The following RAB38 variants were observed in gnomAD, a reference collection of about 807,000 sequenced individuals.
RAB38 encodes the protein ras-related protein Rab-38.
Under a neutral mutation model 18.4 loss-of-function variants are expected in RAB38, and 15 were observed. The observed-to-expected ratio is 0.82, with a 90% confidence interval of 0.55 to 1.26. The LOEUF (loss-of-function observed/expected upper bound fraction) is 1.26, where lower values mean the gene tolerates loss of function less well. Ranked by LOEUF, RAB38 falls within the 50% of genes most tolerant of loss-of-function variation. The pLI, the probability that RAB38 is intolerant of heterozygous loss-of-function variation, is 0.00. For missense variants in RAB38, 294 were observed against 267.4 expected (o/e 1.10, Z -0.69); for synonymous variants, 101 against 104.4 (o/e 0.97, Z 0.20).
At chr11:88,044,552 G>C in the RAB38 span, among the ~76,000 whole-genome samples, 46 of 152,104 alleles carry the variant, frequency 3.0e-4, no homozygotes, top group African/African-American at 1.1e-3. Flanking sequence ...ACTCGACAGT[G>C]GTTCCAAATA....
chr11:88,121,269 A>C (rs953522658), intron 2 of RAB38, among the ~76,000 whole-genome samples: 1 of 152,222 alleles, frequency 6.6e-6, no homozygotes, highest in Non-Finnish European at 1.5e-5. Context: ...CACAGTGCCT[A>C]ATGCATATGA....
Position 88,113,885 on chromosome 11 carries a change from C to T in RAB38, c.*103G>A, listed in dbSNP as rs1942509389. 3.6e-6 allele frequency: 5 copies of T among 1,376,784 alleles called. No individual in the cohort carries two copies. The highest frequency in any genetic ancestry group is 3.8e-5 in the Admixed American group (2 of 51,958). 85.3% of individuals were successfully genotyped at this position (1,376,784 alleles called of 1,614,324 possible). A position where few individuals can be genotyped will look rare whatever the true frequency, so the allele number is the denominator to read the frequency against. ...AGAGGCATAGATCTTTGGCTTGCCA[C>T]ATGTGGTATCTCTATCCTGACGTTT... On this transcript the variant is annotated 3_prime_UTR_variant, in exon 3 of 3. Coordinates refer to ENST00000243662, the MANE Select transcript of RAB38 (RefSeq NM_022337.3).
the RAB38 span, among the ~76,000 whole-genome samples, chr11:88,030,385 G>C: frequency 1.3e-5 from 2 of 151,978 alleles, no homozygotes; most frequent in Non-Finnish European, 2.9e-5. Context: ...AATCAGAGCA[G>C]AACTGAAGGA....
the RAB38 span, among the ~76,000 whole-genome samples, chr11:88,066,525 T>TA: frequency 1.3e-5 from 2 of 152,172 alleles, no homozygotes; most frequent in Non-Finnish European, 2.9e-5. Flanking sequence ...ATATAGTTAC[T>TA]AAGGATAAAA....
chr11:87,929,173 T>C, the RAB38 span, among the ~76,000 whole-genome samples: 2 of 151,988 alleles, frequency 1.3e-5, no homozygotes, highest in Admixed American at 1.3e-4. Flanking sequence ...GTCTATCCTG[T>C]AGAGGTAAAT....
chr11:87,943,260 G>A, the RAB38 span, among the ~76,000 whole-genome samples: 4 of 152,092 alleles, frequency 2.6e-5, no homozygotes, highest in Non-Finnish European at 5.9e-5. Flanking sequence ...GTAGACCATT[G>A]AGTGAAGCAA....
chr11:88,030,674 C>T, the RAB38 span, among the ~76,000 whole-genome samples: 15,953 of 152,088 alleles, frequency 0.1, 1,629 homozygotes, highest in East Asian at 0.33. Flanking sequence ...CAAGTCTAAA[C>T]CAGGAAGAAG....
Position 88,159,337 on chromosome 11 carries a change from T to C in RAB38, c.203-9382A>G, listed in dbSNP as rs182143565. Among the ~76,000 whole-genome samples the C allele has an allele frequency of 2.9e-3, 437 of 148,926 alleles. 2 individuals are homozygous for C. The highest frequency in any genetic ancestry group is 9.6e-3 in the African/African-American group (395 of 41,088). ...CACTACTAAAAACAATCATAGATGA[T>C]ATAAACAAAGAAAAAAACATTCCAA... On this transcript the variant is annotated intron_variant, in intron 1 of 2. Coordinates refer to ENST00000243662, the MANE Select transcript of RAB38 (RefSeq NM_022337.3).
intron 1 of RAB38, among the ~76,000 whole-genome samples, chr11:88,152,956 C>A (rs1477035615): frequency 6.6e-6 from 1 of 152,210 alleles, no homozygotes; most frequent in Non-Finnish European, 1.5e-5. Context: ...ACATAGGTCC[C>A]CAATGCTCTT....
At chr11:88,052,279 T>C in the RAB38 span, among the ~76,000 whole-genome samples, 14 of 152,148 alleles carry the variant, frequency 9.2e-5, no homozygotes, top group African/African-American at 2.9e-4. Context: ...GATTAAAATA[T>C]GTAACAGTCT....
chr11:87,807,188 A>G, the RAB38 span, among the ~76,000 whole-genome samples: 1 of 152,340 alleles, frequency 6.6e-6, no homozygotes, highest in East Asian at 1.9e-4. Context: ...AAATCTGTGG[A>G]AAAATTGTCT....
At position 88,175,256 on chromosome 11, in the gene RAB38, G is replaced by A. The variant is rs777523196; in HGVS notation, c.129C>T (p.Gly43=). The A allele has an allele frequency of 1.2e-6, 2 of 1,614,048 alleles. No individual in the cohort carries two copies. The highest frequency in any genetic ancestry group is 2.7e-5 in the African/African-American group (2 of 74,940). The change falls in exon 1 of 3, where the codon GGC becomes GGT. Residue 43 remains glycine, a synonymous_variant. Coordinates refer to ENST00000243662, the MANE Select transcript of RAB38 (RefSeq NM_022337.3). ...GGAGCACCTTGAGCGCGAAGTCCACGCCGATTGTGGCCCGGTAGTGCGAAG... is the reference window on the plus strand; with the variant it reads ...GGAGCACCTTGAGCGCGAAGTCCACACCGATTGTGGCCCGGTAGTGCGAAG... ...NFSSHYRATI[G]VDFALKVLHW... is the part of the protein sequence containing the mutation.
At chr11:88,059,418 C>T in the RAB38 span, among the ~76,000 whole-genome samples, 1 of 152,098 alleles carries the variant, frequency 6.6e-6, no homozygotes, top group Non-Finnish European at 1.5e-5. Context: ...GCAGTTATGC[C>T]TTTTATGTAA....
chr11:87,924,764 A>T, the RAB38 span, among the ~76,000 whole-genome samples: 5 of 152,046 alleles, frequency 3.3e-5, no homozygotes. Context: ...ACCTTGGGTC[A>T]TACAGGTAGG....
the RAB38 span, among the ~76,000 whole-genome samples, chr11:87,976,635 G>A: frequency 0.63 from 75,090 of 118,480 alleles, 23,914 homozygotes; most frequent in East Asian, 0.73. Flanking sequence ...AAATATATAT[G>A]ATTTTATATG....
chr11:88,118,136 C>G (rs894277177), intron 2 of RAB38, among the ~76,000 whole-genome samples: 1 of 152,214 alleles, frequency 6.6e-6, no homozygotes, highest in African/African-American at 2.4e-5. Context: ...ATCCTTATCT[C>G]AGCTCCCCCC....
At chr11:87,946,271 G>A in the RAB38 span, among the ~76,000 whole-genome samples, 1 of 152,106 alleles carries the variant, frequency 6.6e-6, no homozygotes, top group Admixed American at 6.6e-5. Flanking sequence ...GCTCTTTGAT[G>A]ATACGCTGTC....
chr11:88,123,773 A>G (rs891915218), intron 2 of RAB38, among the ~76,000 whole-genome samples: 2 of 152,212 alleles, frequency 1.3e-5, no homozygotes, highest in African/African-American at 4.8e-5. Flanking sequence ...TGGCAGAATT[A>G]TGAGAATTAG....
At chr11:87,976,472 A>G in the RAB38 span, among the ~76,000 whole-genome samples, 15 of 129,334 alleles carry the variant, frequency 1.2e-4, no homozygotes, top group Non-Finnish European at 2.2e-4. Context: ...TATTTTACAT[A>G]TAGTTATATA....
Sources: gnomAD v4.1 joint callset for allele counts (sites outside exome capture counted in the v4.1 genomes callset) on GRCh38, gnomAD v4.1.1 for gene constraint, MANE v1.5 for transcripts, NCBI Gene and HGNC (gene_info 2026-07-23, HGNC 2026-07-21) for gene names.